USH2A: variants seen among roughly 807,000 people sequenced by gnomAD.
The protein encoded by USH2A is Usher syndrome 2A (autosomal recessive, mild).
A neutral mutation model predicts 538.9 loss-of-function variants in USH2A; 443 were observed. The ratio of observed to expected loss-of-function variants is 0.82; its 90% CI spans 0.76 to 0.89. The LOEUF is 0.89. Among genes scored for constraint, USH2A ranks in the 40% least tolerant of loss-of-function variants. The probability of loss-of-function intolerance (pLI) is 0.00; values close to 1 mark genes in which losing one functional copy is unlikely to be tolerated. For missense variants in USH2A, 6,633 were observed against 6,324.8 expected (o/e 1.05, Z -1.65); for synonymous variants, 2,413 against 2,273.5 (o/e 1.06, Z -1.75).
chr1:216,219,011 T>C (rs776815746), intron 14 of USH2A, among the ~76,000 whole-genome samples: 6 of 151,216 alleles, frequency 4.0e-5, no homozygotes, highest in Non-Finnish European at 8.9e-5. Context: ...TGTGTGTGTG[T>C]ATATATGTAT....
chr1:216,003,154 C>G (rs1668306147), intron 32 of USH2A, among the ~76,000 whole-genome samples: 2 of 151,988 alleles, frequency 1.3e-5, no homozygotes. Context: ...AGTGAGTATA[C>G]TTAGAACAAG....
intron 16 of USH2A, among the ~76,000 whole-genome samples, chr1:216,203,393 T>C (rs1206937102): frequency 6.6e-6 from 1 of 152,062 alleles, no homozygotes; most frequent in Admixed American, 6.5e-5. Flanking sequence ...ATTATAACAA[T>C]ATACCCCAAT....
intron 9 of USH2A, among the ~76,000 whole-genome samples, chr1:216,306,207 AT>A (rs561636030): frequency 0.051 from 7,651 of 149,224 alleles, 266 homozygotes; most frequent in Non-Finnish European, 0.077. Context: ...TGTTCATTTA[AT>A]TTTTTTTTTT....
intron 4 of USH2A, among the ~76,000 whole-genome samples, chr1:216,339,479 G>C (rs867758859): frequency 2.0e-5 from 3 of 151,654 alleles, no homozygotes; most frequent in Non-Finnish European, 3.0e-5. Context: ...TGTAAATGCA[G>C]AATGTGGGAG....
At chr1:216,276,118 T>C (rs1450144156) in intron 11 of USH2A, among the ~76,000 whole-genome samples, 1 of 152,166 alleles carries the variant, frequency 6.6e-6, no homozygotes, top group Non-Finnish European at 1.5e-5. Flanking sequence ...GGAGGAGTTA[T>C]TTAATTTCCA....
chr1:216,086,309 G>A (rs1313668239), intron 24 of USH2A, among the ~76,000 whole-genome samples: 1 of 152,052 alleles, frequency 6.6e-6, no homozygotes, highest in Non-Finnish European at 1.5e-5. Context: ...GATTGGTTTA[G>A]TGCCTATCAC....
At chr1:216,105,774 T>C (rs912169217) in intron 21 of USH2A, among the ~76,000 whole-genome samples, 4 of 152,038 alleles carry the variant, frequency 2.6e-5, no homozygotes, top group African/African-American at 9.7e-5. Context: ...TAGGTTTACA[T>C]TGATTTTTCT....
intron 32 of USH2A, among the ~76,000 whole-genome samples, chr1:216,042,817 G>C (rs529334883): frequency 1.3e-5 from 2 of 152,004 alleles, no homozygotes; most frequent in Non-Finnish European, 2.9e-5. Context: ...ATCTGTGGTC[G>C]TAAGAGTGGG....
At chr1:215,805,124 G>A (rs908561883) in intron 49 of USH2A, among the ~76,000 whole-genome samples, 1 of 151,974 alleles carries the variant, frequency 6.6e-6, no homozygotes, top group African/African-American at 2.4e-5. Flanking sequence ...TTACACACAG[G>A]GGCCTGTTGT....
chr1:215,929,850 C>A (rs1666320627), intron 38 of USH2A, among the ~76,000 whole-genome samples: 1 of 151,862 alleles, frequency 6.6e-6, no homozygotes, highest in East Asian at 1.9e-4. Flanking sequence ...TATGCTTTTG[C>A]GATGTGCCTA....
chr1:216,163,240 C>A (rs977091325), intron 21 of USH2A, among the ~76,000 whole-genome samples: 1 of 151,852 alleles, frequency 6.6e-6, no homozygotes. Flanking sequence ...TACTGAGTTG[C>A]TAACTTCAGC....
chr1:216,116,183 G>A (rs531997428), intron 21 of USH2A, among the ~76,000 whole-genome samples: 60 of 152,008 alleles, frequency 3.9e-4, no homozygotes, highest in African/African-American at 1.4e-3. Context: ...AGATCCAGGT[G>A]CATGCATAGA....
chr1:216,083,355 G>T, intron 26 of USH2A, 101 bp downstream of exon 26: 4 of 1,324,462 alleles, frequency 3.0e-6, no homozygotes, highest in Non-Finnish European at 3.1e-6. Flanking sequence ...ATGTGAATTT[G>T]TAAAGAAACC....
intron 21 of USH2A, among the ~76,000 whole-genome samples, chr1:216,112,968 C>A (rs1401185411): frequency 6.6e-6 from 1 of 151,848 alleles, no homozygotes; most frequent in Non-Finnish European, 1.5e-5. Context: ...TGGGTATATA[C>A]CCAGTAATGG....
chr1:215,698,284 A>T (rs550846660), intron 61 of USH2A, among the ~76,000 whole-genome samples: 2 of 152,328 alleles, frequency 1.3e-5, no homozygotes, highest in South Asian at 4.1e-4. Context: ...GCCACAATAA[A>T]TATGTGCATG....
chr1:216,351,023 A>T (rs1157420444), intron 4 of USH2A, among the ~76,000 whole-genome samples: 1 of 152,106 alleles, frequency 6.6e-6, no homozygotes, highest in Non-Finnish European at 1.5e-5. Flanking sequence ...CCACACACCC[A>T]CAGGCTTAAT....
At chr1:215,703,549 G>A (rs888481703) in intron 61 of USH2A, among the ~76,000 whole-genome samples, 10 of 152,258 alleles carry the variant, frequency 6.6e-5, no homozygotes, top group South Asian at 2.1e-4. Flanking sequence ...TGGCTACAGC[G>A]GCTTTGCGGT....
intron 45 of USH2A, among the ~76,000 whole-genome samples, chr1:215,845,159 G>C (rs1571741855): frequency 6.6e-6 from 1 of 152,196 alleles, no homozygotes; most frequent in African/African-American, 2.4e-5. Context: ...TTGTCCTTGT[G>C]ATCTACCCTA....
chr1:215,969,588 G>A lies in USH2A; in HGVS notation c.6957+1037C>T, dbSNP rs1168755344. Among the ~76,000 whole-genome samples, 4 of 145,222 alleles carry A rather than the reference G, an allele frequency of 2.8e-5. No homozygotes were observed. The East Asian group carries it at 8.1e-4, about 29-fold the overall frequency. On this transcript the variant is annotated intron_variant, in intron 36 of 71. Coordinates refer to ENST00000307340, the MANE Select transcript of USH2A (RefSeq NM_206933.4). ...AATGGATAAGAAAAGCTGGCCTATT[G>A]CCATTCCTGCATTTAAGGGTAAGTA... is the stretch of plus-strand genomic sequence containing the variant.
Sources: gnomAD v4.1 joint callset for allele counts (sites outside exome capture counted in the v4.1 genomes callset) on GRCh38, gnomAD v4.1.1 for gene constraint, MANE v1.5 for transcripts, NCBI Gene and HGNC (gene_info 2026-07-23, HGNC 2026-07-21) for gene names.